The following GADL1 variants were observed in gnomAD, a reference collection of about 807,000 sequenced individuals.
GADL1 encodes GAD like acidic amino acid decarboxylase 1, also known as acidic amino acid decarboxylase GADL1.
GADL1 carries 71 observed loss-of-function variants against 69.5 expected under a neutral mutation model. That is an observed-to-expected ratio of 1.02 (90% CI 0.84 to 1.25). The LOEUF (loss-of-function observed/expected upper bound fraction) is 1.25, where lower values mean the gene tolerates loss of function less well. GADL1 is among the 50% of genes most tolerant of loss of function. The probability of loss-of-function intolerance (pLI) is 0.00; values close to 1 mark genes in which losing one functional copy is unlikely to be tolerated. For synonymous variants in GADL1, 254 were observed against 214.4 expected (o/e 1.18, Z -1.62); for missense variants, 737 against 631.8 (o/e 1.17, Z -1.79).
chr3:30,849,228 G>A (rs796320195), intron 6 of GADL1, among the ~76,000 whole-genome samples: 13 of 152,230 alleles, frequency 8.5e-5, no homozygotes, highest in African/African-American at 3.1e-4. Flanking sequence ...ATGGAAGGGG[G>A]CCCAGCCAAG....
At chr3:30,855,679 C>A (rs980497880) in intron 3 of GADL1, among the ~76,000 whole-genome samples, 6 of 151,990 alleles carry the variant, frequency 3.9e-5, no homozygotes, top group African/African-American at 1.4e-4. Context: ...TCACACCATA[C>A]ACCCGGCTAA....
intron 14 of GADL1, among the ~76,000 whole-genome samples, chr3:30,761,915 G>T (rs1463332936): frequency 6.6e-6 from 1 of 152,180 alleles, no homozygotes; most frequent in African/African-American, 2.4e-5. Context: ...TTATATGCAT[G>T]TGTATATGTA....
At chr3:30,847,455 G>A (rs933417779) in intron 6 of GADL1, among the ~76,000 whole-genome samples, 4 of 152,152 alleles carry the variant, frequency 2.6e-5, no homozygotes, top group African/African-American at 9.7e-5. Context: ...ATAGCAAAAA[G>A]ACTAACGCAG....
chr3:30,849,938 G>A (rs932751227), intron 6 of GADL1, 58 bp downstream of exon 6: 30 of 981,256 alleles, frequency 3.1e-5, no homozygotes, highest in African/African-American at 6.5e-5. Context: ...TTCAAACAAA[G>A]CCCTCTTAAA....
At chr3:30,881,475 A>G (rs1698639843) in intron 1 of GADL1, among the ~76,000 whole-genome samples, 1 of 151,938 alleles carries the variant, frequency 6.6e-6, no homozygotes. Context: ...AAAAGCATCA[A>G]GTGGTGATTA....
At chr3:30,771,386 G>GT (rs1559495043) in intron 14 of GADL1, among the ~76,000 whole-genome samples, 1 of 152,092 alleles carries the variant, frequency 6.6e-6, no homozygotes, top group African/African-American at 2.4e-5. Context: ...TTTATCTTAG[G>GT]TTTTAATGGT....
At position 30,751,731 on chromosome 3, in the gene GADL1, A is replaced by G. The variant is rs1208791608; in HGVS notation, c.1393-23316T>C. 2.6e-5 allele frequency among the ~76,000 whole-genome samples: 4 copies of G among 152,264 alleles called. No individual in the cohort carries two copies. The East Asian group carries it at 7.7e-4, about 29-fold the overall frequency. Reference sequence around the variant, plus strand: ...AGACACGGAGATCTATGCACTGAGAAACTGAACTAGATTTCTGCTGCGCTG... The same window carrying G: ...AGACACGGAGATCTATGCACTGAGAGACTGAACTAGATTTCTGCTGCGCTG... On this transcript the variant is annotated intron_variant, in intron 14 of 14. Transcript: ENST00000282538.
chr3:30,745,749 C>T (rs1303821341), intron 14 of GADL1, among the ~76,000 whole-genome samples: 1 of 109,564 alleles, frequency 9.1e-6, no homozygotes, highest in African/African-American at 4.9e-5. Flanking sequence ...GTTGAGATAC[C>T]TGAACTTTTT....
intron 2 of GADL1, among the ~76,000 whole-genome samples, chr3:30,857,839 G>A (rs1231842243): frequency 6.6e-6 from 1 of 151,872 alleles, no homozygotes; most frequent in South Asian, 2.1e-4. Flanking sequence ...TGACACCCTA[G>A]CCTCCTTACT....
intron 14 of GADL1, among the ~76,000 whole-genome samples, chr3:30,748,134 T>C (rs1012035690): frequency 1.3e-5 from 2 of 152,212 alleles, no homozygotes; most frequent in Non-Finnish European, 2.9e-5. Flanking sequence ...CTTGGTGTTT[T>C]CTCACCTTCC....
At chr3:30,791,162 T>C (rs551105983) in intron 12 of GADL1, among the ~76,000 whole-genome samples, 52 of 152,314 alleles carry the variant, frequency 3.4e-4, no homozygotes, top group African/African-American at 1.3e-3. Context: ...GTTACTTATA[T>C]AGTTTTTGAA....
At chr3:30,884,278 C>A (rs1451855320) in intron 1 of GADL1, among the ~76,000 whole-genome samples, 3 of 151,876 alleles carry the variant, frequency 2.0e-5, no homozygotes, top group Non-Finnish European at 4.4e-5. Context: ...AGATGCCTTC[C>A]CTGAGACAAT....
chr3:30,777,781 C>T (rs187694594), intron 14 of GADL1, among the ~76,000 whole-genome samples: 18 of 152,280 alleles, frequency 1.2e-4, no homozygotes, highest in East Asian at 1.9e-4. Context: ...GACAGTCTCA[C>T]GCTTACAAAA....
At chr3:30,817,442 T>C (rs1697495409) in intron 11 of GADL1, among the ~76,000 whole-genome samples, 1 of 152,210 alleles carries the variant, frequency 6.6e-6, no homozygotes, top group African/African-American at 2.4e-5. Flanking sequence ...AGAACTCTAC[T>C]TCCCTAGAGA....
At chr3:30,870,877 T>C (rs1218407862) in intron 1 of GADL1, among the ~76,000 whole-genome samples, 1 of 151,720 alleles carries the variant, frequency 6.6e-6, no homozygotes, top group African/African-American at 2.4e-5. Context: ...CCCTCTATAC[T>C]GATCTGGGGA....
At chr3:30,864,781 T>C (rs62233363) in intron 1 of GADL1, among the ~76,000 whole-genome samples, 25,551 of 151,876 alleles carry the variant, frequency 0.17, 2,164 homozygotes, top group African/African-American at 0.21. Context: ...CCATGAAGAC[T>C]ATACCTAGGA....
At chr3:30,751,979 A>G (rs6550016) in intron 14 of GADL1, among the ~76,000 whole-genome samples, 27,394 of 152,206 alleles carry the variant, frequency 0.18, 3,610 homozygotes, top group African/African-American at 0.35. Context: ...GCAAAGACTT[A>G]CTGATGGCTG....
chr3:30,769,418 T>A (rs1696364297), intron 14 of GADL1, among the ~76,000 whole-genome samples: 1 of 152,086 alleles, frequency 6.6e-6, no homozygotes, highest in African/African-American at 2.4e-5. Context: ...CTCCTTAGGT[T>A]ACGCAAAGAG....
At chr3:30,880,112 T>A (rs1698623735) in intron 1 of GADL1, among the ~76,000 whole-genome samples, 1 of 151,906 alleles carries the variant, frequency 6.6e-6, no homozygotes, top group South Asian at 2.1e-4. Flanking sequence ...TGCCTCTGAG[T>A]TATACATCTA....
Sources: gnomAD v4.1 joint callset for allele counts (sites outside exome capture counted in the v4.1 genomes callset) on GRCh38, gnomAD v4.1.1 for gene constraint, MANE v1.5 for transcripts, NCBI Gene and HGNC (gene_info 2026-07-23, HGNC 2026-07-21) for gene names.